Variants in TCF4 observed in about 807,000 individuals in gnomAD.
TCF4 encodes transcription factor 4.
A neutral mutation model predicts 82.1 loss-of-function variants in TCF4; 3 were observed. The observed-to-expected ratio is 0.04, with a 90% CI of 0.02 to 0.09. TCF4 has a LOEUF of 0.09. Among genes scored for constraint, TCF4 ranks in the 10% least tolerant of loss-of-function variants. TCF4 has a pLI of 1.00. For synonymous variants in TCF4, 276 were observed against 309.6 expected, an observed-to-expected ratio of 0.89 and a Z score of 1.14; for missense variants, 518 against 852.7, an observed-to-expected ratio of 0.61 and a Z score of 4.89.
intron 3 of TCF4, among the ~76,000 whole-genome samples, chr18:55,558,785 G>A (rs1444630797): frequency 1.3e-5 from 2 of 151,922 alleles, no homozygotes; most frequent in Non-Finnish European, 2.9e-5. Context: ...ACTTATTTAG[G>A]TCACTCTCCA....
At chr18:55,305,245 T>C (rs2069865221) in intron 8 of TCF4, among the ~76,000 whole-genome samples, 1 of 152,198 alleles carries the variant, frequency 6.6e-6, no homozygotes, top group African/African-American at 2.4e-5. Context: ...GAAAGGCACA[T>C]TGACTATAAA....
At chr18:55,468,886 C>G (rs977827675) in intron 3 of TCF4, among the ~76,000 whole-genome samples, 2 of 122,604 alleles carry the variant, frequency 1.6e-5, no homozygotes, top group African/African-American at 3.0e-5. Context: ...TTCTCGCCCC[C>G]CCCCCCCTTG....
intron 8 of TCF4, among the ~76,000 whole-genome samples, chr18:55,318,182 A>G (rs900750122): frequency 1.3e-5 from 2 of 152,142 alleles, no homozygotes; most frequent in African/African-American, 4.8e-5. Flanking sequence ...TGGATATGCT[A>G]TAATATTAGA....
chr18:55,467,769 T>C (rs1270304839), intron 3 of TCF4, among the ~76,000 whole-genome samples: 2 of 152,188 alleles, frequency 1.3e-5, no homozygotes, highest in Non-Finnish European at 2.9e-5. Flanking sequence ...TATACCACCA[T>C]GTTTTTGTAA....
intron 6 of TCF4, among the ~76,000 whole-genome samples, chr18:55,365,191 A>ATATATATATATATGTGTGTG (rs1361444592): frequency 1.1e-4 from 11 of 97,938 alleles, no homozygotes; most frequent in Admixed American, 5.2e-4. Flanking sequence ...ATATATATAT[A>ATATATATATATATGTGTGTG]TGTGTGTGTG....
chr18:55,554,982 T>C (rs2097292060), intron 3 of TCF4, among the ~76,000 whole-genome samples: 1 of 152,208 alleles, frequency 6.6e-6, no homozygotes, highest in African/African-American at 2.4e-5. Context: ...ATTCAAAAAA[T>C]ACTTTGGCTT....
intron 8 of TCF4, among the ~76,000 whole-genome samples, chr18:55,301,161 T>A (rs1186558173): frequency 1.3e-5 from 2 of 152,144 alleles, no homozygotes; most frequent in African/African-American, 4.8e-5. Flanking sequence ...CAATCCCGTA[T>A]CTGCTGCTCT....
At chr18:55,611,375 C>T (rs779812417) in intron 2 of TCF4, among the ~76,000 whole-genome samples, 4 of 152,136 alleles carry the variant, frequency 2.6e-5, no homozygotes, top group African/African-American at 4.8e-5. Flanking sequence ...AGTTCATGAT[C>T]GGCTCCTTTT....
intron 5 of TCF4, among the ~76,000 whole-genome samples, chr18:55,458,220 T>C (rs1040995345): frequency 1.3e-5 from 2 of 152,250 alleles, no homozygotes; most frequent in Non-Finnish European, 2.9e-5. Context: ...TTATTTCTGA[T>C]GCTATAGCTT....
At chr18:55,554,177 T>C (rs1485543800) in intron 3 of TCF4, among the ~76,000 whole-genome samples, 2 of 152,082 alleles carry the variant, frequency 1.3e-5, no homozygotes, top group Non-Finnish European at 2.9e-5. Flanking sequence ...TTATAAACAT[T>C]ATATATTAGA....
intron 6 of TCF4, chr18:55,351,760 A>C: frequency 1.5e-6 from 1 of 672,268 alleles, no homozygotes; most frequent in African/African-American, 2.0e-5. Context: ...AGATTATATA[A>C]TATTACATTT....
At position 55,485,101 on chromosome 18, in the gene TCF4, C is replaced by T. The variant is rs555756676; in HGVS notation, c.146-20964G>A. Reference sequence around the variant, plus strand: ...CCAAGGAAAGAGACACATCAGTAGACGACCACTTATCCTCTTTGATGATTT... The same window carrying T: ...CCAAGGAAAGAGACACATCAGTAGATGACCACTTATCCTCTTTGATGATTT... On this transcript the variant is annotated intron_variant, in intron 3 of 19. Transcript: ENST00000354452. 6.6e-5 allele frequency among the ~76,000 whole-genome samples: 10 copies of T among 152,244 alleles called. No homozygotes were observed. The South Asian group carries it at 1.2e-3, about 19-fold the overall frequency.
chr18:55,339,683 C>G (rs182997178), intron 8 of TCF4, among the ~76,000 whole-genome samples: 74 of 152,266 alleles, frequency 4.9e-4, no homozygotes, highest in African/African-American at 1.6e-3. Flanking sequence ...ACACCTCCCC[C>G]CTCCCTACTT....
chr18:55,291,428 T>A (rs1004662907), intron 8 of TCF4, among the ~76,000 whole-genome samples: 2 of 152,162 alleles, frequency 1.3e-5, no homozygotes, highest in African/African-American at 4.8e-5. Flanking sequence ...AACAGTGAGT[T>A]TCCAATCTGG....
In TCF4 at chr18:55,358,482, A is replaced by T. The variant is rs376084129; in HGVS notation, c.370-7479T>A. 2.3e-4 allele frequency among the ~76,000 whole-genome samples: 35 copies of T among 152,328 alleles called. No homozygotes were observed. The East Asian group carries it at 3.7e-3, about 16-fold the overall frequency. On this transcript the variant is annotated intron_variant, in intron 6 of 19. Transcript: ENST00000354452. ...TGCTAAGTGCCAGGCACAGGTGCAG[A>T]TCCTTTACATGCTAACAAGGCAGAT...
rs181010037 is a variant in TCF4 at position 55,535,896 on chromosome 18, A to C, written c.145+49384T>G. The stretch of plus-strand genomic sequence containing the variant: ...AGCAATTTCAAGAAAGTAATATTTT[A>C]CATCTGGAAACAGTCCGATGACAAA... On this transcript the variant is annotated intron_variant, in intron 3 of 19. Coordinates refer to ENST00000354452, the MANE Select transcript of TCF4 (RefSeq NM_001083962.2). Among the ~76,000 whole-genome samples the C allele has an allele frequency of 3.6e-3, 550 of 152,372 alleles. 1 individual carries two copies. Among genetic ancestry groups the C allele is most frequent in the Non-Finnish European group, 6.0e-3 (410 of 68,024 alleles).
At position 55,223,727 on chromosome 18, in the gene TCF4, A is replaced by ATT. The variant is rs144800392; in HGVS notation, c.*4306_*4307dup. 1 of 145,250 alleles carries ATT rather than the reference A, an allele frequency of 6.9e-6. No homozygotes were observed. Among genetic ancestry groups the ATT allele is most frequent in the Non-Finnish European group, 1.5e-5 (1 of 65,754 alleles). 9.0% of individuals were successfully genotyped at this position (145,250 alleles called of 1,614,324 possible). The stretch of plus-strand genomic sequence containing the variant: ...GTTTTCCCTTTTTTTTTTTTTAACA[A>ATT]TTTTTTTAAGTTTTTAATGCTGCAG... On this transcript the variant is annotated 3_prime_UTR_variant, in exon 20 of 20. Transcript: ENST00000354452.
At chr18:55,634,332 T>A (rs894889092) in intron 1 of TCF4, among the ~76,000 whole-genome samples, 1 of 152,166 alleles carries the variant, frequency 6.6e-6, no homozygotes, top group Admixed American at 6.5e-5. Flanking sequence ...TTCTATTAGC[T>A]ATTAATGTCT....
Position 55,417,888 on chromosome 18 carries a change from G to C in TCF4, c.305-14370C>G, listed in dbSNP as rs28759233. Among the ~76,000 whole-genome samples the C allele has an allele frequency of 8.6e-3, 1,312 of 152,010 alleles. 16 individuals carry two copies. Among genetic ancestry groups the C allele is most frequent in the Middle Eastern group, 0.037 (11 of 294 alleles). ...TTTCTCCCAAAGAATTCTCGGGGGA[G>C]AACTGTACCTATAATAAAAACTGAA... On this transcript the variant is annotated intron_variant, in intron 5 of 19. Transcript: ENST00000354452.
Sources: allele counts gnomAD v4.1 joint callset (sites outside exome capture counted in the v4.1 genomes callset), GRCh38; gene constraint gnomAD v4.1.1; transcripts MANE v1.5; gene names NCBI Gene and HGNC (gene_info 2026-07-23, HGNC 2026-07-21).